Variants in RYR3 observed in about 807,000 individuals in gnomAD.
The protein encoded by RYR3 is brain ryanodine receptor-calcium release channel.
RYR3 carries 207 observed loss-of-function variants against 584.3 expected under a neutral mutation model. The ratio of observed to expected loss-of-function variants is 0.35; its 90% CI spans 0.32 to 0.40. The LOEUF is 0.40. Ranked by LOEUF, RYR3 falls within the 10% of genes least tolerant of loss-of-function variation. RYR3 has a pLI of 1.00. For missense variants in RYR3, 5,616 were observed against 6,089.2 expected (o/e 0.92, Z 2.59); for synonymous variants, 2,416 against 2,248.5 (o/e 1.07, Z -2.11).
At chr15:33,566,072 G>A (rs11072545) in intron 11 of RYR3, among the ~76,000 whole-genome samples, 131,579 of 152,214 alleles carry the variant, frequency 0.86, 57,556 homozygotes, top group Middle Eastern at 0.98. Context: ...AAGGTCACAC[G>A]GCTGGTAAGT....
intron 89 of RYR3, among the ~76,000 whole-genome samples, 199 bp downstream of exon 89, chr15:33,839,157 C>G (rs949383548): frequency 6.6e-6 from 1 of 152,218 alleles, no homozygotes; most frequent in Middle Eastern, 3.4e-3. Context: ...TATCTCAGTG[C>G]CTAGTCATTG....
chr15:33,612,430 G>A (rs976371908), intron 18 of RYR3, among the ~76,000 whole-genome samples: 1 of 152,132 alleles, frequency 6.6e-6, no homozygotes, highest in Admixed American at 6.5e-5. Context: ...GCACGGTCTC[G>A]GCTCTCTGCA....
intron 3 of RYR3, among the ~76,000 whole-genome samples, chr15:33,521,637 C>T (rs1221379637): frequency 6.6e-6 from 1 of 152,090 alleles, no homozygotes; most frequent in African/African-American, 2.4e-5. Context: ...GTATTCTTCT[C>T]TTTTGTCCTG....
intron 1 of RYR3, among the ~76,000 whole-genome samples, chr15:33,460,381 A>C (rs2047918487): frequency 6.6e-6 from 1 of 152,238 alleles, no homozygotes; most frequent in East Asian, 1.9e-4. Flanking sequence ...CAACTCTTAC[A>C]TTTGGTATGC....
chr15:33,747,552 G>A (rs1019027892), intron 53 of RYR3, among the ~76,000 whole-genome samples: 2 of 151,318 alleles, frequency 1.3e-5, no homozygotes, highest in East Asian at 2.0e-4. Context: ...AGCCTCCCGA[G>A]TAGCTGGGAC....
At chr15:33,389,995 T>G (rs2041890199) in intron 1 of RYR3, among the ~76,000 whole-genome samples, 1 of 152,180 alleles carries the variant, frequency 6.6e-6, no homozygotes, top group South Asian at 2.1e-4. Context: ...AAGAGGGCCA[T>G]GTATTTAGGC....
rs902741372 is a variant in RYR3, at chr15:33,660,337, C to T, written c.4536C>T (p.Thr1512=). ...CCAACAGCTTCCTGAAGGTGGAGAC[C>T]GAGCGTGTGAGCGAGCGCCACGGCT... ...RMPNSFLKVE[T]ERVSERHGWV... is the part of the protein sequence containing the mutation. Residue 1512 remains threonine (T), a synonymous_variant, in exon 34 of 104, where the codon ACC becomes ACT. Coordinates refer to ENST00000634891, the MANE Select transcript of RYR3 (RefSeq NM_001036.6). The T allele has an allele frequency of 4.4e-6, 7 of 1,592,100 alleles. No homozygotes were observed. In the East Asian group the frequency reaches 6.9e-5, roughly 16 times the overall value.
intron 42 of RYR3, among the ~76,000 whole-genome samples, chr15:33,702,911 C>A (rs537740980): frequency 6.6e-6 from 1 of 151,986 alleles, no homozygotes; most frequent in East Asian, 1.9e-4. Context: ...ACATTTTTTT[C>A]TTCGTGTCGC....
chr15:33,385,628 G>C (rs1359707527), intron 1 of RYR3, among the ~76,000 whole-genome samples: 1 of 151,674 alleles, frequency 6.6e-6, no homozygotes, highest in Non-Finnish European at 1.5e-5. Context: ...ACAGTAATGA[G>C]TTGGCTCTAT....
chr15:33,767,181 A>G (rs1009057057), intron 60 of RYR3, among the ~76,000 whole-genome samples: 10 of 152,230 alleles, frequency 6.6e-5, no homozygotes, highest in African/African-American at 2.4e-4. Context: ...GACTCTCTAC[A>G]GTGAGAAAGT....
chr15:33,511,153 A>T (rs551885137), intron 3 of RYR3, among the ~76,000 whole-genome samples: 1 of 152,222 alleles, frequency 6.6e-6, no homozygotes, highest in East Asian at 1.9e-4. Flanking sequence ...TAGTTATAAA[A>T]AAGTGGTTCA....
intron 45 of RYR3, among the ~76,000 whole-genome samples, chr15:33,724,865 C>T (rs2068227607): frequency 6.6e-6 from 1 of 151,960 alleles, no homozygotes; most frequent in South Asian, 2.1e-4. Context: ...GATAAAGGAC[C>T]CTTACCCACT....
chr15:33,319,223 T>G (rs1170445011), intron 1 of RYR3, among the ~76,000 whole-genome samples: 1 of 152,194 alleles, frequency 6.6e-6, no homozygotes, highest in Non-Finnish European at 1.5e-5. Flanking sequence ...GAAGTATTGA[T>G]TTGAATCGTG....
chr15:33,480,516 A>G (rs564552732), intron 2 of RYR3, among the ~76,000 whole-genome samples: 2 of 152,346 alleles, frequency 1.3e-5, no homozygotes, highest in South Asian at 4.1e-4. Context: ...TACTGAATTA[A>G]CTAATTGAAT....
chr15:33,485,554 G>A (rs1458434956), intron 2 of RYR3, among the ~76,000 whole-genome samples: 1 of 152,202 alleles, frequency 6.6e-6, no homozygotes, highest in Non-Finnish European at 1.5e-5. Context: ...AGGAACTCAT[G>A]TTTCATTGAA....
rs183952523 is a variant in RYR3, at chr15:33,387,467, A to G, written c.51+76371A>G. ...CTAGCAACAGGGCACAGGGGTTCCA[A>G]TTTCTGCACATCCTCACCAACACTT... On this transcript the variant is annotated intron_variant, in intron 1 of 103. Transcript: ENST00000634891. Among the ~76,000 whole-genome samples the G allele has an allele frequency of 2.8e-3, 425 of 152,242 alleles. 2 individuals carry two copies. The highest frequency in any genetic ancestry group is 4.2e-3 in the Non-Finnish European group (287 of 68,006).
chr15:33,801,863 A>T lies in RYR3; in HGVS notation c.9919-6A>T. On this transcript the variant is annotated splice_region_variant and splice_polypyrimidine_tract_variant and intron_variant, in intron 68 of 103. Transcript: ENST00000634891. The stretch of plus-strand genomic sequence containing the variant: ...ATGTTTGCTGTTTCAATTCTTTCCC[A>T]CTTAGAACTTCAAGAGAGAAGAGCA... 6.9e-7 allele frequency: 1 copy of T among 1,459,658 alleles called. No individual in the cohort carries two copies. Among genetic ancestry groups the T allele is most frequent in the Non-Finnish European group, 9.5e-7 (1 of 1,057,938 alleles). The allele number at this position is 1,459,658 out of a possible 1,614,324, so 90.4% of individuals were successfully genotyped here.
At chr15:33,521,238 T>G (rs1002860381) in intron 3 of RYR3, among the ~76,000 whole-genome samples, 1 of 152,132 alleles carries the variant, frequency 6.6e-6, no homozygotes, top group Non-Finnish European at 1.5e-5. Flanking sequence ...AGAATCTAAG[T>G]TGGTGTTTTC....
chr15:33,464,503 T>TAGATATATATATATATATAC (rs1180164194), intron 1 of RYR3, among the ~76,000 whole-genome samples: 1 of 105,940 alleles, frequency 9.4e-6, no homozygotes, highest in Non-Finnish European at 2.0e-5. Context: ...CATATATATA[T>TAGATATATATATATATATAC]ACATACACAT....
Sources: allele counts gnomAD v4.1 joint callset (sites outside exome capture counted in the v4.1 genomes callset), GRCh38; gene constraint gnomAD v4.1.1; transcripts MANE v1.5; gene names NCBI Gene and HGNC (gene_info 2026-07-23, HGNC 2026-07-21).